CNTN5: variants seen among roughly 807,000 people sequenced by gnomAD.
CNTN5 encodes contactin-5.
In CNTN5, 77 loss-of-function variants were observed where a neutral mutation model predicts 129.1. The ratio of observed to expected loss-of-function variants is 0.60; its 90% confidence interval spans 0.50 to 0.72. The LOEUF (loss-of-function observed/expected upper bound fraction) is 0.72. CNTN5 is among the 30% of genes least tolerant of loss of function. The probability of loss-of-function intolerance (pLI) is 0.00; values close to 1 mark genes in which losing one functional copy is unlikely to be tolerated. For missense variants in CNTN5, 1,478 were observed against 1,328.8 expected (o/e 1.11, Z -1.75); for synonymous variants, 509 against 465.6 (o/e 1.09, Z -1.20).
chr11:99,301,521 A>G (rs529180552), intron 1 of CNTN5, among the ~76,000 whole-genome samples: 3 of 151,948 alleles, frequency 2.0e-5, no homozygotes, highest in South Asian at 2.1e-4. Context: ...TAAAAATAGT[A>G]TCAATTCATC....
chr11:99,742,366 C>CTTAT (rs386374640), intron 3 of CNTN5, among the ~76,000 whole-genome samples: 2 of 151,940 alleles, frequency 1.3e-5, no homozygotes, highest in African/African-American at 2.4e-5. Context: ...TCAGATTGTA[C>CTTAT]TTAACACGTA....
intron 3 of CNTN5, among the ~76,000 whole-genome samples, chr11:99,598,716 A>C (rs1950222266): frequency 6.6e-6 from 1 of 151,974 alleles, no homozygotes; most frequent in Non-Finnish European, 1.5e-5. Context: ...GAAGCAGGAA[A>C]GGGCATATGT....
At chr11:99,112,209 T>C (rs1857830441) in intron 1 of CNTN5, among the ~76,000 whole-genome samples, 1 of 152,038 alleles carries the variant, frequency 6.6e-6, no homozygotes, top group South Asian at 2.1e-4. Context: ...TTTGGGTCAT[T>C]GCAGTTTATA....
At chr11:100,288,407 A>C (rs914953724) in intron 18 of CNTN5, among the ~76,000 whole-genome samples, 1 of 152,144 alleles carries the variant, frequency 6.6e-6, no homozygotes, top group South Asian at 2.1e-4. Flanking sequence ...ATAACAAACT[A>C]TCTCTCAGAC....
At chr11:99,665,159 A>G (rs1952738222) in intron 3 of CNTN5, among the ~76,000 whole-genome samples, 1 of 152,306 alleles carries the variant, frequency 6.6e-6, no homozygotes, top group Admixed American at 6.5e-5. Flanking sequence ...AAATCAAGAA[A>G]CTATGTATTA....
intron 13 of CNTN5, among the ~76,000 whole-genome samples, chr11:100,118,492 T>G (rs1411353060): frequency 6.6e-6 from 1 of 151,960 alleles, no homozygotes; most frequent in Non-Finnish European, 1.5e-5. Context: ...CAATAATAAA[T>G]TACTGCTCAC....
At chr11:99,801,165 A>G (rs1946102922) in intron 3 of CNTN5, among the ~76,000 whole-genome samples, 1 of 152,136 alleles carries the variant, frequency 6.6e-6, no homozygotes, top group Non-Finnish European at 1.5e-5. Flanking sequence ...CGTCTGCAAA[A>G]GATTTTATTA....
intron 19 of CNTN5, 118 bp downstream of exon 19, chr11:100,297,813 G>A: frequency 1.3e-6 from 1 of 752,494 alleles, no homozygotes; most frequent in Middle Eastern, 2.5e-4. Context: ...AAAACAGTGG[G>A]AGGAAGGAAT....
chr11:99,304,808 G>A (rs1443120336), intron 1 of CNTN5, among the ~76,000 whole-genome samples: 2 of 152,130 alleles, frequency 1.3e-5, no homozygotes, highest in Admixed American at 1.3e-4. Context: ...TCTCTATTGT[G>A]AGGTTCACAA....
intron 9 of CNTN5, among the ~76,000 whole-genome samples, chr11:100,036,945 T>C (rs1384017212): frequency 1.3e-5 from 2 of 150,054 alleles, no homozygotes; most frequent in Non-Finnish European, 1.5e-5. Context: ...CTTTTCCTAA[T>C]TGAAGACCCT....
At chr11:99,042,290 G>T (rs1864015238) in intron 1 of CNTN5, among the ~76,000 whole-genome samples, 1 of 149,722 alleles carries the variant, frequency 6.7e-6, no homozygotes, top group African/African-American at 2.5e-5. Context: ...GATGGGTGCA[G>T]CAAACCATCA....
chr11:99,768,888 A>G (rs1944849002), intron 3 of CNTN5, among the ~76,000 whole-genome samples: 1 of 152,148 alleles, frequency 6.6e-6, no homozygotes, highest in Non-Finnish European at 1.5e-5. Context: ...CCACAGTTTT[A>G]TATAATGGAT....
intron 6 of CNTN5, among the ~76,000 whole-genome samples, chr11:99,911,021 A>C (rs1949645179): frequency 1.3e-5 from 2 of 152,110 alleles, no homozygotes; most frequent in Non-Finnish European, 2.9e-5. Context: ...CATAGAAATT[A>C]AAGTTGAAGG....
intron 3 of CNTN5, among the ~76,000 whole-genome samples, chr11:99,782,436 C>G (rs1292869932): frequency 6.7e-6 from 1 of 150,184 alleles, no homozygotes; most frequent in Non-Finnish European, 1.5e-5. Flanking sequence ...CCATCCCCAT[C>G]AAGCTACCAA....
chr11:99,473,953 C>T (rs192986465), intron 2 of CNTN5, among the ~76,000 whole-genome samples: 38 of 152,062 alleles, frequency 2.5e-4, no homozygotes, highest in African/African-American at 8.7e-4. Context: ...TTTTTAAGTC[C>T]ACTGCTGAGT....
intron 9 of CNTN5, among the ~76,000 whole-genome samples, chr11:100,024,119 G>T (rs1941294754): frequency 6.6e-6 from 1 of 152,154 alleles, no homozygotes. Context: ...TGTCAAGGGA[G>T]AGACCAGGTG....
intron 17 of CNTN5, among the ~76,000 whole-genome samples, chr11:100,262,782 C>T (rs1406368436): frequency 6.6e-6 from 1 of 151,968 alleles, no homozygotes; most frequent in Non-Finnish European, 1.5e-5. Flanking sequence ...CACACTGGGG[C>T]CTGCCAGGGA....
At chr11:99,379,996 G>A (rs1472885323) in intron 2 of CNTN5, among the ~76,000 whole-genome samples, 6 of 152,094 alleles carry the variant, frequency 3.9e-5, no homozygotes, top group African/African-American at 1.4e-4. Flanking sequence ...ATATATGCGT[G>A]TGTGTGAATA....
chr11:99,598,371 T>TGTCTCCTTCCTTCC (rs1950205855), intron 3 of CNTN5, among the ~76,000 whole-genome samples: 1 of 9,140 alleles, frequency 1.1e-4, no homozygotes, highest in Non-Finnish European at 2.4e-4. Flanking sequence ...TCTCTCTCTC[T>TGTCTCCTTCCTTCC]CTCCCTCTCT....
Sources: allele counts gnomAD v4.1 joint callset (sites outside exome capture counted in the v4.1 genomes callset), GRCh38; gene constraint gnomAD v4.1.1; transcripts MANE v1.5; gene names NCBI Gene and HGNC (gene_info 2026-07-23, HGNC 2026-07-21).